Variants in NEGR1 observed in about 807,000 individuals in gnomAD.
The protein encoded by NEGR1 is IgLON family member 4.
A neutral mutation model predicts 40.9 loss-of-function variants in NEGR1; 10 were observed. That is an observed-to-expected ratio of 0.24 (90% confidence interval 0.15 to 0.42). NEGR1 has a LOEUF of 0.42. Ranked by LOEUF, NEGR1 falls within the 10% of genes least tolerant of loss-of-function variation. The pLI is 1.00. For missense variants in NEGR1, 352 were observed against 438.9 expected, an observed-to-expected ratio of 0.80 and a Z score of 1.77; for synonymous variants, 185 against 166.8, an observed-to-expected ratio of 1.11 and a Z score of -0.84.
intron 3 of NEGR1, among the ~76,000 whole-genome samples, chr1:71,741,074 C>A (rs1018136405): frequency 6.6e-6 from 1 of 152,086 alleles, no homozygotes; most frequent in African/African-American, 2.4e-5. Context: ...CCATTCATGG[C>A]GTCTTAGGCA....
chr1:71,948,500 A>T (rs535641158), intron 1 of NEGR1, among the ~76,000 whole-genome samples: 5,450 of 139,118 alleles, frequency 0.039, 319 homozygotes, highest in African/African-American at 0.14. Context: ...TGTGTGTGAG[A>T]GAGAGAGAGA....
intron 1 of NEGR1, among the ~76,000 whole-genome samples, chr1:71,938,144 T>A (rs948783819): frequency 2.0e-5 from 3 of 151,366 alleles, no homozygotes; most frequent in Non-Finnish European, 3.0e-5. Flanking sequence ...GAAAAAAAAA[T>A]ATTTTCCTTT....
intron 4 of NEGR1, among the ~76,000 whole-genome samples, chr1:71,677,512 T>C (rs1199010874): frequency 6.6e-6 from 1 of 152,216 alleles, no homozygotes; most frequent in Non-Finnish European, 1.5e-5. Flanking sequence ...AGTTATCATA[T>C]TTATTTTACA....
intron 2 of NEGR1, among the ~76,000 whole-genome samples, chr1:71,802,015 C>T (rs977431803): frequency 6.6e-6 from 1 of 152,098 alleles, no homozygotes; most frequent in African/African-American, 2.4e-5. Flanking sequence ...GAAAGAAAAA[C>T]TGTTCATGCT....
intron 1 of NEGR1, among the ~76,000 whole-genome samples, chr1:72,068,984 T>A (rs1647352402): frequency 6.6e-6 from 1 of 152,144 alleles, no homozygotes; most frequent in Admixed American, 6.6e-5. Flanking sequence ...GGAAAAATAA[T>A]TATTTTCCTT....
chr1:72,089,393 CAT>C (rs1648371455), intron 1 of NEGR1, among the ~76,000 whole-genome samples: 1 of 152,136 alleles, frequency 6.6e-6, no homozygotes, highest in South Asian at 2.1e-4. Context: ...TCATGATAAA[CAT>C]ATAATAATTT....
chr1:71,633,745 C>G (rs1187898873), intron 4 of NEGR1, among the ~76,000 whole-genome samples: 2 of 152,096 alleles, frequency 1.3e-5, no homozygotes, highest in South Asian at 2.1e-4. Context: ...AGATTGGCCC[C>G]TTCGCTTTCT....
chr1:71,737,187 A>T (rs1200063225), intron 3 of NEGR1, among the ~76,000 whole-genome samples: 2 of 152,236 alleles, frequency 1.3e-5, no homozygotes, highest in Non-Finnish European at 2.9e-5. Context: ...TTGAAAAGGG[A>T]AATGAAATAG....
At chr1:71,730,277 A>G (rs1654815305) in intron 3 of NEGR1, among the ~76,000 whole-genome samples, 2 of 152,040 alleles carry the variant, frequency 1.3e-5, no homozygotes, top group Admixed American at 1.3e-4. Flanking sequence ...TGATTACATT[A>G]GTAGTGAAAA....
chr1:71,752,812 A>G (rs116356994), intron 3 of NEGR1, among the ~76,000 whole-genome samples: 3,533 of 152,202 alleles, frequency 0.023, 57 homozygotes, highest in Admixed American at 0.036. Context: ...CAGGAACAGG[A>G]GATTCGCTAC....
At chr1:72,078,399 T>G (rs1647841668) in intron 1 of NEGR1, among the ~76,000 whole-genome samples, 1 of 152,060 alleles carries the variant, frequency 6.6e-6, no homozygotes, top group Admixed American at 6.6e-5. Flanking sequence ...CATACATGGC[T>G]TTTGAAAAGC....
At chr1:71,836,428 C>CAA (rs1323312605) in intron 2 of NEGR1, among the ~76,000 whole-genome samples, 1 of 115,154 alleles carries the variant, frequency 8.7e-6, no homozygotes, top group East Asian at 2.5e-4. Flanking sequence ...GGCTCTGGCT[C>CAA]AAAAAAAAAA....
chr1:72,162,591 T>A (rs1225946905), intron 1 of NEGR1, among the ~76,000 whole-genome samples: 1 of 152,188 alleles, frequency 6.6e-6, no homozygotes, highest in African/African-American at 2.4e-5. Flanking sequence ...CAGTGACATC[T>A]TTGTGTCACA....
intron 6 of NEGR1, among the ~76,000 whole-genome samples, chr1:71,537,860 A>AG (rs1647559597): frequency 6.6e-6 from 1 of 151,714 alleles, no homozygotes; most frequent in Admixed American, 6.6e-5. Context: ...ATTCTTCACG[A>AG]GGTGCCAAGT....
intron 1 of NEGR1, among the ~76,000 whole-genome samples, chr1:72,005,827 T>C (rs1037603522): frequency 6.6e-6 from 1 of 152,188 alleles, no homozygotes; most frequent in Non-Finnish European, 1.5e-5. Flanking sequence ...GGAAATCAAC[T>C]ACAGTATAAA....
At chr1:71,781,502 G>A (rs78044319) in intron 2 of NEGR1, among the ~76,000 whole-genome samples, 79 of 152,276 alleles carry the variant, frequency 5.2e-4, no homozygotes, top group African/African-American at 1.7e-3. Context: ...GTAAGAGTCC[G>A]TGAAAGACCA....
intron 4 of NEGR1, among the ~76,000 whole-genome samples, chr1:71,684,542 T>C (rs1652959130): frequency 6.6e-6 from 1 of 152,148 alleles, no homozygotes; most frequent in Non-Finnish European, 1.5e-5. Flanking sequence ...TATTATTTCA[T>C]CTATAAATGT....
chr1:71,543,111 T>C (rs1448384552), intron 6 of NEGR1, among the ~76,000 whole-genome samples: 1 of 151,746 alleles, frequency 6.6e-6, no homozygotes, highest in Non-Finnish European at 1.5e-5. Context: ...TACTATTTTA[T>C]TCTCAATAAC....
chr1:71,858,496 T>C (rs1209463715), intron 2 of NEGR1, among the ~76,000 whole-genome samples: 1 of 152,020 alleles, frequency 6.6e-6, no homozygotes, highest in African/African-American at 2.4e-5. Flanking sequence ...ATGATAGTGA[T>C]GGAGAGTCCT....
Sources: gnomAD v4.1 joint callset for allele counts (sites outside exome capture counted in the v4.1 genomes callset) on GRCh38, gnomAD v4.1.1 for gene constraint, MANE v1.5 for transcripts, NCBI Gene and HGNC (gene_info 2026-07-23, HGNC 2026-07-21) for gene names.